CNTN3: variants seen among roughly 807,000 people sequenced by gnomAD.
CNTN3 encodes contactin-3.
CNTN3 carries 60 observed loss-of-function variants against 119.1 expected under a neutral mutation model. The observed-to-expected ratio is 0.50, with a 90% CI of 0.41 to 0.62. The LOEUF is 0.62. CNTN3 is among the 20% of genes least tolerant of loss of function. CNTN3 has a pLI of 0.00. For missense variants in CNTN3, 1,101 were observed against 1,242.4 expected (o/e 0.89, Z 1.71); for synonymous variants, 450 against 438.7 (o/e 1.03, Z -0.32).
chr3:74,554,421 A>T (rs1229177112), intron 1 of CNTN3, among the ~76,000 whole-genome samples: 1 of 152,064 alleles, frequency 6.6e-6, no homozygotes, highest in Non-Finnish European at 1.5e-5. Flanking sequence ...GTTTCATATG[A>T]AGTTTAAAGT....
intron 1 of CNTN3, among the ~76,000 whole-genome samples, chr3:74,532,553 T>C (rs1481548342): frequency 6.6e-6 from 1 of 151,940 alleles, no homozygotes; most frequent in Non-Finnish European, 1.5e-5. Flanking sequence ...CACTGCAATA[T>C]GGCAACAGTT....
intron 11 of CNTN3, among the ~76,000 whole-genome samples, chr3:74,339,869 T>C (rs1233058922): frequency 6.6e-6 from 1 of 150,810 alleles, no homozygotes; most frequent in Admixed American, 6.6e-5. Flanking sequence ...CACACACACA[T>C]ATATGTGTGA....
intron 19 of CNTN3, among the ~76,000 whole-genome samples, chr3:74,292,004 A>G (rs1487884942): frequency 2.6e-5 from 4 of 152,100 alleles, no homozygotes; most frequent in Non-Finnish European, 5.9e-5. Context: ...TTTCTCTTCT[A>G]TGTTTTCCTC....
intron 13 of CNTN3, among the ~76,000 whole-genome samples, chr3:74,327,999 T>C (rs1403330878): frequency 6.6e-6 from 1 of 151,830 alleles, no homozygotes; most frequent in African/African-American, 2.4e-5. Context: ...CTTTTTGATA[T>C]TATATGAATT....
intron 11 of CNTN3, among the ~76,000 whole-genome samples, chr3:74,342,681 C>G (rs115285474): frequency 0.016 from 2,424 of 152,216 alleles, 64 homozygotes; most frequent in African/African-American, 0.055. Flanking sequence ...TGTTGCTAAA[C>G]GCATATTAAC....
At chr3:74,539,800 G>C (rs977929309) in intron 1 of CNTN3, among the ~76,000 whole-genome samples, 3 of 152,138 alleles carry the variant, frequency 2.0e-5, no homozygotes, top group Non-Finnish European at 2.9e-5. Context: ...GAGGAAAAAA[G>C]AATGTGCAGT....
intron 4 of CNTN3, among the ~76,000 whole-genome samples, chr3:74,432,126 T>C (rs1701793692): frequency 6.6e-6 from 1 of 152,148 alleles, no homozygotes; most frequent in African/African-American, 2.4e-5. Context: ...ACATGAACAG[T>C]GTAAATGACA....
chr3:74,543,209 G>A (rs2107149771), intron 1 of CNTN3, among the ~76,000 whole-genome samples: 1 of 152,232 alleles, frequency 6.6e-6, no homozygotes, highest in Admixed American at 6.5e-5. Flanking sequence ...GAAAAAGTAG[G>A]ATATAAACAA....
intron 1 of CNTN3, among the ~76,000 whole-genome samples, chr3:74,602,139 A>C (rs969316528): frequency 2.0e-5 from 3 of 151,864 alleles, no homozygotes; most frequent in African/African-American, 7.2e-5. Context: ...AAAATTAAAA[A>C]TTAGCCAGGC....
intron 1 of CNTN3, among the ~76,000 whole-genome samples, chr3:74,591,181 GT>G (rs1011876289): frequency 1.1e-4 from 17 of 151,660 alleles, no homozygotes; most frequent in African/African-American, 3.9e-4. Context: ...CCTTATGTTG[GT>G]TTTTTTGAGG....
chr3:74,451,231 T>C lies in CNTN3; in HGVS notation c.359-26291A>G, dbSNP rs537327458. ...CTAACTGGTGTGAGATGGTATCCCATTGCGGTTTTGATTTGCATTTCTCTG... is the reference window on the plus strand; with the variant it reads ...CTAACTGGTGTGAGATGGTATCCCACTGCGGTTTTGATTTGCATTTCTCTG... On this transcript the variant is annotated intron_variant, in intron 4 of 22. Coordinates refer to ENST00000263665, the MANE Select transcript of CNTN3 (RefSeq NM_020872.3). 8.1e-4 allele frequency among the ~76,000 whole-genome samples: 124 copies of C among 152,300 alleles called. 8 individuals carry two copies. The South Asian group carries it at 0.025, about 31-fold the overall frequency.
At chr3:74,310,478 T>C (rs1702658072) in intron 13 of CNTN3, among the ~76,000 whole-genome samples, 1 of 152,182 alleles carries the variant, frequency 6.6e-6, no homozygotes, top group South Asian at 2.1e-4. Context: ...GCTTGTTTAT[T>C]TGACCAGCAA....
intron 20 of CNTN3, among the ~76,000 whole-genome samples, chr3:74,281,720 C>A: frequency 6.6e-6 from 1 of 152,114 alleles, no homozygotes; most frequent in East Asian, 1.9e-4. Context: ...GAAAATGACT[C>A]GAGGGTGACT....
At chr3:74,363,410 C>T (rs1025678467) in intron 10 of CNTN3, among the ~76,000 whole-genome samples, 2 of 152,106 alleles carry the variant, frequency 1.3e-5, no homozygotes, top group Non-Finnish European at 2.9e-5. Context: ...CTGTCCTTCA[C>T]CCACAATATG....
Position 74,295,151 on chromosome 3 carries a change from C to T in CNTN3, c.2487G>A (p.Lys829=). Residue 829 remains lysine, a synonymous_variant, in exon 19 of 23, where the codon AAG becomes AAA. Transcript: ENST00000263665. ...AGCCCAGTAAATGTCCATTGCTCAA[C>T]TTCCAAGGAATGGTGTTCCATGAAA... is the stretch of plus-strand genomic sequence containing the variant. ...IEVSWNTIPW[K]LSNGHLLGYE... The T allele has an allele frequency of 3.1e-6, 5 of 1,612,796 alleles. No homozygotes were observed. Among genetic ancestry groups the T allele is most frequent in the Non-Finnish European group, 4.2e-6 (5 of 1,178,904 alleles).
intron 5 of CNTN3, among the ~76,000 whole-genome samples, chr3:74,382,736 A>G (rs1704652275): frequency 6.6e-6 from 1 of 152,204 alleles, no homozygotes; most frequent in East Asian, 1.9e-4. Flanking sequence ...TCCACCATGT[A>G]TATATACAAC....
At chr3:74,454,261 T>G in intron 4 of CNTN3, among the ~76,000 whole-genome samples, 1 of 134,932 alleles carries the variant, frequency 7.4e-6, no homozygotes, top group East Asian at 2.1e-4. Flanking sequence ...TTTACCATTA[T>G]GTAATGGCCT....
At position 74,396,671 on chromosome 3, in the gene CNTN3, G is replaced by A. The variant is rs184187954; in HGVS notation, c.455-25272C>T. On this transcript the variant is annotated intron_variant, in intron 5 of 22. Coordinates refer to ENST00000263665, the MANE Select transcript of CNTN3 (RefSeq NM_020872.3). ...TGAGGCAGGAGAATGGCGAGAACCC[G>A]GGAGGCGGAGCTTGCAGTGAGCTGA... 5.3e-3 allele frequency among the ~76,000 whole-genome samples: 805 copies of A among 151,118 alleles called. 6 individuals are homozygous for A. The highest frequency in any genetic ancestry group is 0.018 in the African/African-American group (753 of 41,068).
intron 5 of CNTN3, among the ~76,000 whole-genome samples, chr3:74,424,261 G>A (rs1452823136): frequency 6.6e-6 from 1 of 151,702 alleles, no homozygotes; most frequent in East Asian, 1.9e-4. Context: ...TTTTACTCTG[G>A]GTCACTATCT....
Sources: gnomAD v4.1 joint callset for allele counts (sites outside exome capture counted in the v4.1 genomes callset) on GRCh38, gnomAD v4.1.1 for gene constraint, MANE v1.5 for transcripts, NCBI Gene and HGNC (gene_info 2026-07-23, HGNC 2026-07-21) for gene names.